The following ARID1A variants were observed in gnomAD, a reference collection of about 807,000 sequenced individuals.
ARID1A encodes the protein AT-rich interactive domain-containing protein 1A.
Under a neutral mutation model 212.6 loss-of-function variants are expected in ARID1A, and 20 were observed. That is an observed-to-expected ratio of 0.09 (90% CI 0.07 to 0.14). ARID1A has a LOEUF of 0.14. Ranked by LOEUF, ARID1A falls within the 10% of genes least tolerant of loss-of-function variation. The pLI, the probability that ARID1A is intolerant of heterozygous loss-of-function variation, is 1.00. For missense variants in ARID1A, 2,587 were observed against 3,059.0 expected, an observed-to-expected ratio of 0.85 and a Z score of 3.64; for synonymous variants, 1,376 against 1,222.1, an observed-to-expected ratio of 1.13 and a Z score of -2.63.
chr1:26,746,021 A>C (rs1557600003), intron 4 of ARID1A, among the ~76,000 whole-genome samples: 1 of 152,208 alleles, frequency 6.6e-6, no homozygotes, highest in Non-Finnish European at 1.5e-5. Context: ...ACTGCACTCC[A>C]GTCTGGGCAA....
chr1:26,709,854 A>T (rs2080433260), intron 1 of ARID1A, among the ~76,000 whole-genome samples: 2 of 147,358 alleles, frequency 1.4e-5, no homozygotes, highest in South Asian at 4.3e-4. Flanking sequence ...TTTTTTGGAG[A>T]CAGAATCTCG....
rs753878674 is a variant in ARID1A, at chr1:26,772,512, C to G, written c.3419C>G (p.Ser1140Cys). 1 of 1,614,134 alleles carries G rather than the reference C, an allele frequency of 6.2e-7. No homozygotes were observed. The highest frequency in any genetic ancestry group is 2.2e-5 in the East Asian group (1 of 44,902). The change falls in exon 13 of 20, where the codon TCT (serine) becomes TGT (cysteine). Residue 1140 changes from serine (S) to cysteine (C), a missense_variant. Ser to Cys is a moderately radical substitution (Grantham distance 112, BLOSUM62 -1). Around this residue, in one of 11 missense-constraint regions of ARID1A, gnomAD observed 890 missense variants for 1,098.2 expected, o/e 0.81. Coordinates refer to ENST00000324856, the MANE Select transcript of ARID1A (RefSeq NM_006015.6). ...TCTCTGTCCACAGCGGGATCAGGAT[C>G]TATGCAGGGGCCCCAGACTCCCCAG... ...IQPPSPAGSG[S>C]MQGPQTPQST...
intron 4 of ARID1A, among the ~76,000 whole-genome samples, chr1:26,741,861 A>AT: frequency 6.6e-6 from 1 of 152,194 alleles, no homozygotes; most frequent in African/African-American, 2.4e-5. Flanking sequence ...AGACGCTGAG[A>AT]TCTTGGAATT....
chr1:26,754,630 G>A lies in ARID1A; in HGVS notation c.1921-6226G>A, dbSNP rs2080912856. Among the ~76,000 whole-genome samples, 3 of 152,256 alleles carry A rather than the reference G, an allele frequency of 2.0e-5. No homozygotes were observed. The South Asian group carries it at 6.2e-4, about 32-fold the overall frequency. On this transcript the variant is annotated intron_variant, in intron 4 of 19. Transcript: ENST00000324856. ...AGGTCACAACTGATAAGTACCAAAA[G>A]CTGGGCCTTGGTTTCCTAACTCAGA...
intron 4 of ARID1A, among the ~76,000 whole-genome samples, chr1:26,753,641 G>C (rs2080903773): frequency 6.6e-6 from 1 of 152,256 alleles, no homozygotes; most frequent in African/African-American, 2.4e-5. Flanking sequence ...GTAGGGCACT[G>C]AGTGGGCTGA....
At chr1:26,767,405 G>T (rs1012614535) in intron 10 of ARID1A, among the ~76,000 whole-genome samples, 1 of 152,232 alleles carries the variant, frequency 6.6e-6, no homozygotes, top group African/African-American at 2.4e-5. Flanking sequence ...GGGTAGTAGT[G>T]TGGGAGCAGT....
intron 4 of ARID1A, 108 bp downstream of exon 4, chr1:26,732,900 G>A (rs2080694369): frequency 1.1e-6 from 1 of 950,350 alleles, no homozygotes; most frequent in Admixed American, 2.2e-5. Flanking sequence ...AAATGAATAA[G>A]TTATTTCTTG....
At position 26,761,236 on chromosome 1, in the gene ARID1A, A is replaced by G. The variant is rs574386573; in HGVS notation, c.2161+140A>G. ...TTCCCCTTAGCATTTGGAGAAGGAG[A>G]TTGGAACCTGTTGGCTGGATCTCTT... is the stretch of plus-strand genomic sequence containing the variant. On this transcript the variant is annotated intron_variant, in intron 5 of 19. Coordinates refer to ENST00000324856, the MANE Select transcript of ARID1A (RefSeq NM_006015.6). The G allele has an allele frequency of 2.7e-6, 4 of 1,468,084 alleles. No homozygotes were observed. The African/African-American group carries it at 4.2e-5, about 16-fold the overall frequency. 90.9% of individuals were successfully genotyped at this position (1,468,084 alleles called of 1,614,324 possible). A position where few individuals can be genotyped will look rare whatever the true frequency, so the allele number is the denominator to read the frequency against.
At chr1:26,720,049 G>C (rs1393246908) in intron 1 of ARID1A, among the ~76,000 whole-genome samples, 1 of 149,516 alleles carries the variant, frequency 6.7e-6, no homozygotes, top group African/African-American at 2.5e-5. Context: ...TCAGGTGTTT[G>C]AGACCAGCCT....
chr1:26,733,782 A>G (rs557459582), intron 4 of ARID1A, among the ~76,000 whole-genome samples: 1 of 152,334 alleles, frequency 6.6e-6, no homozygotes, highest in Admixed American at 6.5e-5. Context: ...ACATACCCAG[A>G]TAAGAATCTT....
intron 4 of ARID1A, among the ~76,000 whole-genome samples, chr1:26,753,890 TC>T (rs2124027975): frequency 6.6e-6 from 1 of 152,300 alleles, no homozygotes; most frequent in Admixed American, 6.5e-5. Context: ...CATTGCAAGC[TC>T]CGCCTCCTGG....
intron 1 of ARID1A, among the ~76,000 whole-genome samples, chr1:26,725,635 T>G (rs1242676200): frequency 2.0e-5 from 3 of 152,330 alleles, no homozygotes; most frequent in Admixed American, 6.5e-5. Context: ...AATAAAAATT[T>G]CTTTGATGTA....
intron 7 of ARID1A, among the ~76,000 whole-genome samples, chr1:26,762,603 A>T (rs981533969): frequency 2.0e-5 from 3 of 152,238 alleles, no homozygotes; most frequent in African/African-American, 7.2e-5. Flanking sequence ...TATACATGGT[A>T]GCTCTTGGTT....
chr1:26,735,209 T>C (rs2080717981), intron 4 of ARID1A, among the ~76,000 whole-genome samples: 1 of 150,222 alleles, frequency 6.7e-6, no homozygotes, highest in Admixed American at 6.7e-5. Context: ...CACTGCAGCC[T>C]CCACCTCCTG....
chr1:26,745,049 G>A (rs1457791701), intron 4 of ARID1A, among the ~76,000 whole-genome samples: 2 of 152,126 alleles, frequency 1.3e-5, no homozygotes, highest in Admixed American at 6.5e-5. Context: ...CTGAGTCAGA[G>A]GATTTCTGTA....
Position 26,771,302 on chromosome 1 carries a change from C to T in ARID1A, c.3382C>T (p.Pro1128Ser), listed in dbSNP as rs1244527183. The change falls in exon 12 of 20, where the codon CCC (proline) becomes TCC (serine). Residue 1128 changes from proline (P) to serine (S), a missense_variant. Around this residue, in one of 11 missense-constraint regions of ARID1A, gnomAD observed 890 missense variants for 1,098.2 expected, o/e 0.81. Transcript: ENST00000324856. This position sits in a 1 kb window ranked among gnomAD's most constrained non-coding sequence, Gnocchi z 5.4. ...FAAADSKKSQPKIQPPSPAGS... is the reference protein window; with the variant it reads ...FAAADSKKSQSKIQPPSPAGS... Reference sequence around the variant, plus strand: ...AGCTGCTGATTCCAAGAAGTCCCAGCCCAAGATCCAGCCTCCCTCTCCTGG... The same window carrying T: ...AGCTGCTGATTCCAAGAAGTCCCAGTCCAAGATCCAGCCTCCCTCTCCTGG... The T allele has an allele frequency of 6.2e-7, 1 of 1,614,188 alleles. No individual in the cohort carries two copies.
chr1:26,699,831 A>G (rs2080315526), intron 1 of ARID1A, among the ~76,000 whole-genome samples: 1 of 152,184 alleles, frequency 6.6e-6, no homozygotes, highest in African/African-American at 2.4e-5. Context: ...TGGTTTGGAA[A>G]TATTTAGTCA....
intron 4 of ARID1A, among the ~76,000 whole-genome samples, chr1:26,752,086 G>A (rs909375875): frequency 2.2e-4 from 33 of 152,184 alleles, no homozygotes; most frequent in African/African-American, 7.7e-4. Flanking sequence ...TCCAAACCAT[G>A]GAGGTAGTCC....
At chr1:26,742,318 A>G (rs2080794992) in intron 4 of ARID1A, among the ~76,000 whole-genome samples, 1 of 152,236 alleles carries the variant, frequency 6.6e-6, no homozygotes, top group Admixed American at 6.5e-5. Context: ...CCAAACCTAT[A>G]GGACCTGCTT....
Sources: gnomAD v4.1 joint callset for allele counts (sites outside exome capture counted in the v4.1 genomes callset) on GRCh38, gnomAD v4.1.1 for gene constraint, gnomAD v4.1.1 regional missense constraint, Gnocchi (gnomAD v3.1) non-coding constraint, MANE v1.5 for transcripts, NCBI Gene and HGNC (gene_info 2026-07-23, HGNC 2026-07-21) for gene names.